Variants in ADGRL3 observed in about 807,000 individuals in gnomAD.
The protein encoded by ADGRL3 is calcium-independent alpha-latrotoxin receptor 3.
A neutral mutation model predicts 153.5 loss-of-function variants in ADGRL3; 62 were observed. The ratio of observed to expected loss-of-function variants is 0.40; its 90% CI spans 0.33 to 0.50. ADGRL3 has a LOEUF of 0.50. ADGRL3 is among the 20% of genes least tolerant of loss of function. The probability of loss-of-function intolerance (pLI) is 0.47; values close to 1 mark genes in which losing one functional copy is unlikely to be tolerated. For missense variants in ADGRL3, 1,641 were observed against 1,859.4 expected (o/e 0.88, Z 2.16); for synonymous variants, 710 against 672.5 (o/e 1.06, Z -0.86).
intron 13 of ADGRL3, among the ~76,000 whole-genome samples, chr4:61,919,342 C>T (rs1297309079): frequency 6.6e-6 from 1 of 152,086 alleles, no homozygotes; most frequent in Non-Finnish European, 1.5e-5. Flanking sequence ...TTTGGTAACC[C>T]TTTGTTAAAA....
chr4:61,388,765 T>C (rs1254828441), intron 2 of ADGRL3, among the ~76,000 whole-genome samples: 1 of 152,210 alleles, frequency 6.6e-6, no homozygotes, highest in Admixed American at 6.5e-5. Context: ...TGGAACACAC[T>C]AGGCCACTCT....
chr4:61,899,598 C>A (rs115572843), intron 11 of ADGRL3, among the ~76,000 whole-genome samples: 1 of 152,054 alleles, frequency 6.6e-6, no homozygotes, highest in Non-Finnish European at 1.5e-5. Context: ...AATTAATGTA[C>A]CCTGAAGGGT....
chr4:61,572,389 C>T (rs1342088764), intron 4 of ADGRL3, among the ~76,000 whole-genome samples: 1 of 152,062 alleles, frequency 6.6e-6, no homozygotes, highest in East Asian at 1.9e-4. Flanking sequence ...ACAATTCACT[C>T]AACTTGTCAT....
intron 8 of ADGRL3, among the ~76,000 whole-genome samples, chr4:61,764,921 C>T (rs1485021702): frequency 1.3e-5 from 2 of 151,176 alleles, no homozygotes; most frequent in Non-Finnish European, 2.9e-5. Flanking sequence ...AAACATTTGT[C>T]GTATAGAATG....
chr4:61,646,656 TG>T (rs1453003379), intron 5 of ADGRL3, among the ~76,000 whole-genome samples: 1 of 152,072 alleles, frequency 6.6e-6, no homozygotes, highest in Non-Finnish European at 1.5e-5. Context: ...AGCTGCGTGC[TG>T]GGAGAACCAC....
chr4:61,810,799 A>G (rs2148579751), intron 8 of ADGRL3, among the ~76,000 whole-genome samples: 1 of 152,148 alleles, frequency 6.6e-6, no homozygotes, highest in East Asian at 1.9e-4. Context: ...TTTTCTGTTC[A>G]TTAGAGCATT....
Position 62,076,398 on chromosome 4 carries a change from A to C in ADGRL3, c.*5490A>C, listed in dbSNP as rs896594993. On this transcript the variant is annotated 3_prime_UTR_variant, in exon 27 of 27. Transcript: ENST00000683033. ...GATTTATGTGAAGAAATCAAGAAAG[A>C]CTATACATGAACAAATCTCTATTGG... 1 of 152,088 alleles carries C rather than the reference A, an allele frequency of 6.6e-6. No homozygotes were observed. Among genetic ancestry groups the C allele is most frequent in the Non-Finnish European group, 1.5e-5 (1 of 67,960 alleles). 9.4% of individuals were successfully genotyped at this position (152,088 alleles called of 1,614,324 possible). A position where few individuals can be genotyped will look rare whatever the true frequency, so the allele number is the denominator to read the frequency against.
chr4:62,066,311 GTCCTCTGGTTCAGT>G (rs1372366279), intron 25 of ADGRL3, among the ~76,000 whole-genome samples: 1 of 151,984 alleles, frequency 6.6e-6, no homozygotes, highest in Non-Finnish European at 1.5e-5. Flanking sequence ...TCTTCTGTGG[GTCCTCTGGTTCAGT>G]TGCACCAATG....
chr4:61,282,087 C>T (rs576700343), intron 1 of ADGRL3, among the ~76,000 whole-genome samples: 1 of 152,040 alleles, frequency 6.6e-6, no homozygotes, highest in South Asian at 2.1e-4. Flanking sequence ...GGAATATTGT[C>T]ATAAAATTAA....
chr4:61,723,684 G>A (rs2096278488), intron 6 of ADGRL3, among the ~76,000 whole-genome samples: 1 of 152,090 alleles, frequency 6.6e-6, no homozygotes, highest in Admixed American at 6.5e-5. Context: ...ATGACACCTG[G>A]CGTATGTGGT....
intron 5 of ADGRL3, among the ~76,000 whole-genome samples, chr4:61,645,153 T>A (rs1463993054): frequency 6.6e-6 from 1 of 152,104 alleles, no homozygotes; most frequent in East Asian, 1.9e-4. Context: ...TCTTCCTCCA[T>A]GTTTTTATTT....
intron 1 of ADGRL3, among the ~76,000 whole-genome samples, chr4:61,350,492 T>G (rs112357510): frequency 2.0e-5 from 3 of 152,090 alleles, no homozygotes; most frequent in African/African-American, 4.8e-5. Flanking sequence ...ATCACTTTAT[T>G]CCACTTCACA....
intron 17 of ADGRL3, among the ~76,000 whole-genome samples, chr4:61,969,694 G>A (rs975761979): frequency 6.6e-6 from 1 of 152,100 alleles, no homozygotes; most frequent in African/African-American, 2.4e-5. Context: ...GGGTCACAAT[G>A]CATGTGGGTT....
At chr4:61,539,841 C>T (rs992013697) in intron 4 of ADGRL3, among the ~76,000 whole-genome samples, 9 of 152,128 alleles carry the variant, frequency 5.9e-5, no homozygotes, top group African/African-American at 1.9e-4. Context: ...GGCTCCAAGT[C>T]CCTCAGGGGA....
At chr4:62,055,097 C>T (rs529611685) in intron 25 of ADGRL3, among the ~76,000 whole-genome samples, 3 of 151,810 alleles carry the variant, frequency 2.0e-5, no homozygotes, top group Non-Finnish European at 3.0e-5. Flanking sequence ...TATGACCCAG[C>T]AATTTGACTT....
At chr4:62,014,443 G>C (rs1243163696) in intron 21 of ADGRL3, among the ~76,000 whole-genome samples, 1 of 152,080 alleles carries the variant, frequency 6.6e-6, no homozygotes, top group Non-Finnish European at 1.5e-5. Flanking sequence ...GTTGGTCTAG[G>C]AAGTATACAA....
intron 2 of ADGRL3, chr4:61,426,670 G>A (rs1192718181): frequency 1.3e-5 from 2 of 152,304 alleles, no homozygotes; most frequent in East Asian, 3.9e-4. Flanking sequence ...CCCCAAGCCA[G>A]GCACCTTGGC....
At chr4:61,890,890 A>G (rs928734058) in intron 9 of ADGRL3, among the ~76,000 whole-genome samples, 2 of 152,160 alleles carry the variant, frequency 1.3e-5, no homozygotes, top group African/African-American at 4.8e-5. Flanking sequence ...TTTTTAAGTT[A>G]CTCAATTTTC....
At chr4:61,378,306 A>G (rs575406579) in intron 1 of ADGRL3, among the ~76,000 whole-genome samples, 2 of 152,064 alleles carry the variant, frequency 1.3e-5, no homozygotes, top group South Asian at 4.1e-4. Context: ...ATTTTTGTGG[A>G]GACCATTTGC....
Sources: gnomAD v4.1 joint callset for allele counts (sites outside exome capture counted in the v4.1 genomes callset) on GRCh38, gnomAD v4.1.1 for gene constraint, MANE v1.5 for transcripts, NCBI Gene and HGNC (gene_info 2026-07-23, HGNC 2026-07-21) for gene names.